The following CTNND2 variants were observed in gnomAD, a reference collection of about 807,000 sequenced individuals.
The protein encoded by CTNND2 is catenin delta 2, also known as catenin delta-2.
CTNND2 carries 22 observed loss-of-function variants against 144.4 expected under a neutral mutation model. The ratio of observed to expected loss-of-function variants is 0.15; its 90% CI spans 0.11 to 0.22. CTNND2 has a LOEUF of 0.22. CTNND2 is among the 10% of genes least tolerant of loss of function. The pLI is 1.00. For synonymous variants in CTNND2, 751 were observed against 695.6 expected (o/e 1.08, Z -1.25); for missense variants, 1,353 against 1,618.8 (o/e 0.84, Z 2.82).
chr5:11,146,089 T>C (rs10066098), intron 12 of CTNND2, among the ~76,000 whole-genome samples: 95,914 of 152,032 alleles, frequency 0.63, 30,300 homozygotes, highest in East Asian at 0.73. Context: ...TTTAATGACA[T>C]TAAGTATCCC....
chr5:11,218,509 TTGTG>T (rs1201523659), intron 10 of CTNND2, among the ~76,000 whole-genome samples: 2 of 152,146 alleles, frequency 1.3e-5, no homozygotes, highest in African/African-American at 4.8e-5. Flanking sequence ...TTAAAATAGA[TTGTG>T]TGTGTTCTCT....
intron 18 of CTNND2, among the ~76,000 whole-genome samples, chr5:10,994,808 T>C (rs1739166154): frequency 6.6e-6 from 1 of 151,826 alleles, no homozygotes; most frequent in African/African-American, 2.4e-5. Context: ...GCTTGGGAGG[T>C]CACTCCCCTG....
At chr5:11,774,107 A>T (rs2126831914) in intron 1 of CTNND2, among the ~76,000 whole-genome samples, 1 of 152,264 alleles carries the variant, frequency 6.6e-6, no homozygotes, top group Non-Finnish European at 1.5e-5. Flanking sequence ...TTACAAAAGA[A>T]CTGAACTTTG....
rs1341037456 is a variant in CTNND2, at chr5:11,343,097, G to A, written c.1628+3275C>T. ...TGGGTTTTCTGTTGGCATATAGGAT[G>A]ACTAGTCAAAAGAGAAAAGACCAAA... On this transcript the variant is annotated intron_variant, in intron 9 of 21. Coordinates refer to ENST00000304623, the MANE Select transcript of CTNND2 (RefSeq NM_001332.4). Among the ~76,000 whole-genome samples the A allele has an allele frequency of 2.0e-5, 3 of 152,240 alleles. No individual in the cohort carries two copies. In the South Asian group the frequency reaches 6.2e-4, roughly 32 times the overall value.
In CTNND2 at chr5:11,764,328, G is replaced by A. The variant is rs573148972; in HGVS notation, c.38-32056C>T. 4.4e-4 allele frequency among the ~76,000 whole-genome samples: 67 copies of A among 152,258 alleles called. 2 individuals carry two copies. The highest frequency in any genetic ancestry group is 1.4e-3 in the Admixed American group (22 of 15,294). On this transcript the variant is annotated intron_variant, in intron 1 of 21. Transcript: ENST00000304623. The stretch of plus-strand genomic sequence containing the variant: ...TATTTCAGACTCCTGGCCTCCAGAA[G>A]TAGAAAGTAACAAATTTATATTGTT...
intron 2 of CTNND2, among the ~76,000 whole-genome samples, chr5:11,592,886 A>G (rs531981149): frequency 6.6e-6 from 1 of 151,562 alleles, no homozygotes; most frequent in African/African-American, 2.4e-5. Context: ...AGTCATAAAG[A>G]TTGTGTGGTA....
chr5:11,430,511 C>T (rs566561059), intron 3 of CTNND2, among the ~76,000 whole-genome samples: 3 of 151,668 alleles, frequency 2.0e-5, no homozygotes, highest in East Asian at 3.9e-4. Context: ...AGGAAAGTTC[C>T]CAAAACATCA....
chr5:11,218,377 G>A (rs926245088), intron 10 of CTNND2, among the ~76,000 whole-genome samples: 28 of 152,106 alleles, frequency 1.8e-4, no homozygotes, highest in Admixed American at 2.6e-4. Flanking sequence ...TTGTAAGCCC[G>A]ATAATCATTA....
chr5:10,986,799 G>A, intron 20 of CTNND2: 1 of 384,194 alleles, frequency 2.6e-6, no homozygotes, highest in Middle Eastern at 4.4e-4. Context: ...CAGCTGAGCA[G>A]AGTTAACACG....
At chr5:11,674,890 T>C (rs1784091925) in intron 2 of CTNND2, among the ~76,000 whole-genome samples, 1 of 152,128 alleles carries the variant, frequency 6.6e-6, no homozygotes, top group Admixed American at 6.5e-5. Flanking sequence ...CATGCCTGGC[T>C]AATTTTTGCA....
intron 3 of CTNND2, among the ~76,000 whole-genome samples, chr5:11,437,038 C>A (rs564798280): frequency 1.3e-5 from 2 of 152,144 alleles, no homozygotes; most frequent in African/African-American, 2.4e-5. Context: ...GGAGTACCAA[C>A]TGGAAATATA....
intron 7 of CTNND2, among the ~76,000 whole-genome samples, chr5:11,370,357 AC>A (rs1197408155): frequency 4.6e-5 from 7 of 152,070 alleles, no homozygotes; most frequent in Admixed American, 4.6e-4. Context: ...TTTAATGGGC[AC>A]CCCCGAGCCT....
At chr5:11,273,414 C>A (rs184338710) in intron 9 of CTNND2, among the ~76,000 whole-genome samples, 2 of 152,144 alleles carry the variant, frequency 1.3e-5, no homozygotes, top group Non-Finnish European at 2.9e-5. Flanking sequence ...GATGCAAAAC[C>A]GTCCCCTTGG....
intron 1 of CTNND2, among the ~76,000 whole-genome samples, chr5:11,804,005 G>GA (rs1314167325): frequency 6.6e-6 from 1 of 152,070 alleles, no homozygotes; most frequent in East Asian, 1.9e-4. Flanking sequence ...CCTCTGTTCT[G>GA]AGGACTCCTA....
At chr5:11,843,385 T>A (rs767020650) in intron 1 of CTNND2, among the ~76,000 whole-genome samples, 1 of 152,232 alleles carries the variant, frequency 6.6e-6, no homozygotes. Flanking sequence ...AACATTTTTC[T>A]GAAGATGCCA....
intron 1 of CTNND2, among the ~76,000 whole-genome samples, chr5:11,847,128 T>TTATATATATATATATA (rs56978156): frequency 1.4e-5 from 1 of 72,454 alleles, no homozygotes; most frequent in Non-Finnish European, 2.4e-5. Context: ...GTCAAAGATT[T>TTATATATATATATATA]TATATATATA....
At chr5:11,479,910 T>A (rs559690707) in intron 3 of CTNND2, among the ~76,000 whole-genome samples, 4 of 152,320 alleles carry the variant, frequency 2.6e-5, no homozygotes, top group Admixed American at 6.5e-5. Flanking sequence ...GAATATTGGA[T>A]CTTTGTAAGA....
intron 2 of CTNND2, among the ~76,000 whole-genome samples, chr5:11,721,699 GC>G (rs924786659): frequency 1.1e-4 from 17 of 152,340 alleles, no homozygotes; most frequent in African/African-American, 4.1e-4. Flanking sequence ...GGTGCTGCAT[GC>G]CTGGAGACTG....
intron 2 of CTNND2, among the ~76,000 whole-genome samples, chr5:11,631,848 G>A (rs544156959): frequency 1.1e-4 from 16 of 152,226 alleles, no homozygotes; most frequent in South Asian, 4.1e-4. Context: ...CAGCCCCATC[G>A]CCCACTTACA....
Sources: gnomAD v4.1 joint callset for allele counts (sites outside exome capture counted in the v4.1 genomes callset) on GRCh38, gnomAD v4.1.1 for gene constraint, MANE v1.5 for transcripts, NCBI Gene and HGNC (gene_info 2026-07-23, HGNC 2026-07-21) for gene names.